ARHGAP22: variants seen among roughly 807,000 people sequenced by gnomAD.
ARHGAP22 encodes Rho GTPase activating protein 22.
A neutral mutation model predicts 59.1 loss-of-function variants in ARHGAP22; 48 were observed. The observed-to-expected ratio is 0.81, with a 90% CI of 0.64 to 1.03. ARHGAP22 has a LOEUF of 1.03. Ranked by LOEUF, ARHGAP22 falls within the 50% of genes least tolerant of loss-of-function variation. The pLI, the probability that ARHGAP22 is intolerant of heterozygous loss-of-function variation, is 0.00. For synonymous variants in ARHGAP22, 445 were observed against 416.4 expected, an observed-to-expected ratio of 1.07 and a Z score of -0.84; for missense variants, 1,015 against 958.7, an observed-to-expected ratio of 1.06 and a Z score of -0.78.
At chr10:48,505,132 C>T in intron 3 of ARHGAP22, among the ~76,000 whole-genome samples, 1 of 152,210 alleles carries the variant, frequency 6.6e-6, no homozygotes, top group Non-Finnish European at 1.5e-5. Context: ...CGGCTCACTC[C>T]AACCTCCGCC....
At chr10:48,583,872 G>C (rs1297634076) in intron 1 of ARHGAP22, among the ~76,000 whole-genome samples, 4 of 152,218 alleles carry the variant, frequency 2.6e-5, no homozygotes, top group Non-Finnish European at 5.9e-5. Flanking sequence ...CTACCCCAGA[G>C]CCTCTGAGTG....
intron 6 of ARHGAP22, 103 bp downstream of exon 6, chr10:48,454,899 A>G: frequency 2.5e-6 from 3 of 1,224,044 alleles, no homozygotes; most frequent in Non-Finnish European, 3.2e-6. Flanking sequence ...CACAGGATCC[A>G]TGTGCCATGA....
chr10:48,470,413 G>C (rs3853762), intron 4 of ARHGAP22, among the ~76,000 whole-genome samples: 88,969 of 152,130 alleles, frequency 0.58, 28,927 homozygotes, highest in Non-Finnish European at 0.72. Flanking sequence ...GTGGGGGAGG[G>C]TGGCTGTGGC....
intron 2 of ARHGAP22, among the ~76,000 whole-genome samples, chr10:48,576,942 C>A (rs2058754314): frequency 6.9e-6 from 1 of 144,960 alleles, no homozygotes. Flanking sequence ...CAACCACACA[C>A]CTTCCCAAAT....
At chr10:48,463,924 C>T (rs1159165597) in intron 4 of ARHGAP22, among the ~76,000 whole-genome samples, 1 of 152,208 alleles carries the variant, frequency 6.6e-6, no homozygotes, top group East Asian at 1.9e-4. Flanking sequence ...CTGAAGGCCA[C>T]AGTCAAGGAA....
At position 48,555,615 on chromosome 10, in the gene ARHGAP22, G is replaced by T. The variant is rs1652516802; in HGVS notation, c.235-65C>A. 2.6e-6 allele frequency: 4 copies of T among 1,538,636 alleles called. No homozygotes were observed. The South Asian group carries it at 4.5e-5, about 17-fold the overall frequency. On this transcript the variant is annotated intron_variant, in intron 2 of 9. Coordinates refer to ENST00000249601, the MANE Select transcript of ARHGAP22 (RefSeq NM_021226.4). ...GATGGGGAGGGGACTGCTGTCGTCAGGGTCCCTGGAGAGGAGAGGTTAGGA... is the reference window on the plus strand; with the variant it reads ...GATGGGGAGGGGACTGCTGTCGTCATGGTCCCTGGAGAGGAGAGGTTAGGA...
At chr10:48,454,039 C>T (rs1198471037) in intron 7 of ARHGAP22, 49 bp downstream of exon 7, 5 of 1,564,792 alleles carry the variant, frequency 3.2e-6, no homozygotes, top group African/African-American at 1.4e-5. Flanking sequence ...GTTGGGGGAG[C>T]GTGGAGCCAG....
chr10:48,534,283 T>C (rs2055143749), intron 3 of ARHGAP22, among the ~76,000 whole-genome samples: 1 of 152,186 alleles, frequency 6.6e-6, no homozygotes, highest in East Asian at 1.9e-4. Context: ...CCTGAAGCCA[T>C]TGAACTTGGC....
chr10:48,644,190 A>T (rs550917404), intron 1 of ARHGAP22, among the ~76,000 whole-genome samples: 4 of 152,344 alleles, frequency 2.6e-5, no homozygotes, highest in African/African-American at 9.6e-5. Context: ...TCTGAAAAAG[A>T]GGAATATTTA....
intron 2 of ARHGAP22, among the ~76,000 whole-genome samples, chr10:48,577,725 C>T (rs564110649): frequency 6.8e-6 from 1 of 146,498 alleles, no homozygotes; most frequent in Non-Finnish European, 1.5e-5. Context: ...TCCAGTCTTA[C>T]AGCTGAGTCG....
At position 48,620,082 on chromosome 10, in the gene ARHGAP22, T is replaced by G. The variant is rs114120749; in HGVS notation, c.52+32152A>C. On this transcript the variant is annotated intron_variant, in intron 1 of 9. Coordinates refer to the ARHGAP22 transcript ENST00000435790. ...TATTCTAATGTGTGATACACTTTAGTGTATTACCTTTGATCAGTAAGAAAA... is the reference window on the plus strand; with the variant it reads ...TATTCTAATGTGTGATACACTTTAGGGTATTACCTTTGATCAGTAAGAAAA... Among the ~76,000 whole-genome samples the G allele has an allele frequency of 2.1e-3, 313 of 152,334 alleles. 1 individual carries two copies. Among genetic ancestry groups the G allele is most frequent in the African/African-American group, 7.3e-3 (302 of 41,576 alleles).
chr10:48,567,790 G>A (rs1189919124), intron 2 of ARHGAP22, among the ~76,000 whole-genome samples: 1 of 152,038 alleles, frequency 6.6e-6, no homozygotes, highest in Non-Finnish European at 1.5e-5. Context: ...GACAGATGAG[G>A]CCAACATCTG....
intron 3 of ARHGAP22, among the ~76,000 whole-genome samples, chr10:48,533,178 G>GTTT (rs762223101): frequency 1.5e-5 from 2 of 135,820 alleles, no homozygotes; most frequent in South Asian, 2.4e-4. Flanking sequence ...TCATTGTTCT[G>GTTT]TTGTTTTTTT....
the ARHGAP22 span, chr10:48,438,018 T>C: frequency 6.6e-6 from 1 of 152,272 alleles, no homozygotes; most frequent in Non-Finnish European, 1.5e-5. Context: ...TATTGGCCAG[T>C]ATCTGCTAAA....
At chr10:48,655,072 CTCTT>C (rs2062746837), upstream of ARHGAP22, among the ~76,000 whole-genome samples, 1 of 38,012 alleles carries the variant, frequency 2.6e-5, no homozygotes, top group Non-Finnish European at 5.3e-5. Flanking sequence ...TTCCCTCCTT[CTCTT>C]CTCTTCTCTT....
chr10:48,616,845 G>A (rs969628904), intron 1 of ARHGAP22, among the ~76,000 whole-genome samples: 1 of 151,966 alleles, frequency 6.6e-6, no homozygotes, highest in Non-Finnish European at 1.5e-5. Flanking sequence ...AGTCCTTCAG[G>A]CTAAATGAAA....
At chr10:48,467,439 G>T (rs1244811233) in intron 4 of ARHGAP22, among the ~76,000 whole-genome samples, 1 of 151,978 alleles carries the variant, frequency 6.6e-6, no homozygotes, top group Non-Finnish European at 1.5e-5. Flanking sequence ...AGTCCCAAGG[G>T]TAGGAGGGCA....
At chr10:48,486,333 TTTA>T (rs201245098) in intron 3 of ARHGAP22, among the ~76,000 whole-genome samples, 4 of 151,170 alleles carry the variant, frequency 2.6e-5, no homozygotes, top group African/African-American at 7.3e-5. Flanking sequence ...ATTTTATTAT[TTTA>T]TTATTATTAT....
Position 48,459,893 on chromosome 10 carries a change from T to A in ARHGAP22, c.452-2A>T. On this transcript the variant is annotated splice_acceptor_variant, in intron 4 of 9. Coordinates refer to ENST00000249601, the MANE Select transcript of ARHGAP22 (RefSeq NM_021226.4). LOFTEE classifies it high-confidence loss of function. ...CCTCTAGGCGCTGCCCAAAGATCCCTGAGCACAGAGAGGAGCTAGTCACAC... is the reference window on the plus strand; with the variant it reads ...CCTCTAGGCGCTGCCCAAAGATCCCAGAGCACAGAGAGGAGCTAGTCACAC... The A allele has an allele frequency of 6.2e-7, 1 of 1,611,526 alleles. No homozygotes were observed. The highest frequency in any genetic ancestry group is 8.5e-7 in the Non-Finnish European group (1 of 1,179,602).
Sources: gnomAD v4.1 joint callset for allele counts (sites outside exome capture counted in the v4.1 genomes callset) on GRCh38, gnomAD v4.1.1 for gene constraint, MANE v1.5 for transcripts, NCBI Gene and HGNC (gene_info 2026-07-23, HGNC 2026-07-21) for gene names.